Variants in CEP95 observed in about 807,000 individuals in gnomAD.
CEP95 encodes the protein centrosomal protein 95.
In CEP95, 98 loss-of-function variants were observed where a neutral mutation model predicts 111.2. The ratio of observed to expected loss-of-function variants is 0.88; its 90% confidence interval spans 0.75 to 1.04. CEP95 has a LOEUF of 1.04. Ranked by LOEUF, CEP95 falls within the 50% of genes least tolerant of loss-of-function variation. The pLI is 0.00. For synonymous variants in CEP95, 323 were observed against 327.1 expected, an observed-to-expected ratio of 0.99 and a Z score of 0.14; for missense variants, 1,027 against 977.2, an observed-to-expected ratio of 1.05 and a Z score of -0.68.
At chr17:64,506,841 C>T, upstream of CEP95, 1 of 601,774 alleles carries the variant, frequency 1.7e-6, no homozygotes, top group Non-Finnish European at 3.0e-6. Context: ...AATCCTTTGA[C>T]GGGTTTTGGT....
At chr17:64,531,171 T>G (rs562803261) in intron 13 of CEP95, 153 bp downstream of exon 13, 1 of 445,046 alleles carries the variant, frequency 2.2e-6, no homozygotes, top group African/African-American at 2.0e-5. Flanking sequence ...CAGGACTTGC[T>G]TATTAATAAG....
At chr17:64,526,300 TCTTATTAATAGTTA>T (rs1555679107) in intron 10 of CEP95, 100 bp downstream of exon 10, 1 of 1,185,430 alleles carries the variant, frequency 8.4e-7, no homozygotes, top group East Asian at 2.5e-5. Context: ...ATTAGTTGTG[TCTTATTAATAGTTA>T]CTGTGAAAAT....
At chr17:64,510,701 C>T (rs531282861) in intron 3 of CEP95, among the ~76,000 whole-genome samples, 197 of 152,298 alleles carry the variant, frequency 1.3e-3, no homozygotes, top group African/African-American at 4.6e-3. Flanking sequence ...AGGTGTGCAC[C>T]ACCATGCCTG....
At chr17:64,526,700 A>G (rs1267848325) in intron 10 of CEP95, among the ~76,000 whole-genome samples, 1 of 152,210 alleles carries the variant, frequency 6.6e-6, no homozygotes, top group East Asian at 1.9e-4. Flanking sequence ...GTGGCTCACA[A>G]CTGTAATTCC....
intron 11 of CEP95, among the ~76,000 whole-genome samples, chr17:64,529,006 A>G (rs1284547587): frequency 6.6e-6 from 1 of 152,198 alleles, no homozygotes; most frequent in Non-Finnish European, 1.5e-5. Context: ...ATCTCCCCCT[A>G]TCACCAAGAG....
In CEP95 at chr17:64,519,317, C is replaced by A. The variant is rs930394975; in HGVS notation, c.474-4C>A. 6.2e-7 allele frequency: 1 copy of A among 1,611,636 alleles called. No individual in the cohort carries two copies. Among genetic ancestry groups the A allele is most frequent in the Non-Finnish European group, 8.5e-7 (1 of 1,177,818 alleles). ...GCCCTGAGTGAAGGAGGGAACTTTTCCAGGTGCTCCTTGTCTTCTGAGATG... is the reference window on the plus strand; with the variant it reads ...GCCCTGAGTGAAGGAGGGAACTTTTACAGGTGCTCCTTGTCTTCTGAGATG... On this transcript the variant is annotated splice_region_variant and splice_polypyrimidine_tract_variant and intron_variant, in intron 5 of 19. Coordinates refer to ENST00000556440, the MANE Select transcript of CEP95 (RefSeq NM_138363.3).
chr17:64,537,600 C>T lies in CEP95; in HGVS notation c.2290-3C>T. 2 of 1,579,452 alleles carry T rather than the reference C, an allele frequency of 1.3e-6. No individual in the cohort carries two copies. Among genetic ancestry groups the T allele is most frequent in the Non-Finnish European group, 1.7e-6 (2 of 1,158,730 alleles). ...AGCGGGATGACATGCCTTCTTTTTT[C>T]AGACATTACATAAGGTGAAGAGGGA... On this transcript the variant is annotated splice_region_variant and splice_polypyrimidine_tract_variant and intron_variant, in intron 19 of 19. Transcript: ENST00000556440.
intron 17 of CEP95, 89 bp downstream of exon 17, chr17:64,534,826 A>T: frequency 1.4e-6 from 2 of 1,471,422 alleles, no homozygotes; most frequent in Middle Eastern, 1.7e-4. Flanking sequence ...CTCTTGTCCA[A>T]ATTTGAATCC....
At chr17:64,507,483 T>G in intron 1 of CEP95, 1 of 1,235,938 alleles carries the variant, frequency 8.1e-7, no homozygotes, top group Non-Finnish European at 1.0e-6. Flanking sequence ...CGTACCTGCT[T>G]TTGTATTGGT....
chr17:64,514,416 C>T, intron 4 of CEP95, 58 bp downstream of exon 4: 2 of 758,666 alleles, frequency 2.6e-6, no homozygotes, highest in South Asian at 1.6e-5. Flanking sequence ...TCCCTTTTGC[C>T]TTTTATCTTT....
intron 3 of CEP95, among the ~76,000 whole-genome samples, chr17:64,511,372 AC>A (rs1272889234): frequency 1.3e-5 from 2 of 152,132 alleles, no homozygotes; most frequent in African/African-American, 2.4e-5. Context: ...CGCCCGGGGG[AC>A]CGTCTGTAGA....
At chr17:64,514,799 T>C (rs891744894) in intron 4 of CEP95, 12 of 204,382 alleles carry the variant, frequency 5.9e-5, no homozygotes, top group Middle Eastern at 1.7e-3. Context: ...ATATTTGTCA[T>C]TGCAAAAAGT....
At position 64,533,128 on chromosome 17, in the gene CEP95, C is replaced by G; in HGVS notation, c.1854C>G (p.Ala618=). 6.2e-7 allele frequency: 1 copy of G among 1,604,310 alleles called. No individual in the cohort carries two copies. The highest frequency in any genetic ancestry group is 8.5e-7 in the Non-Finnish European group (1 of 1,177,440). Residue 618 remains alanine, a synonymous_variant, in exon 16 of 20, where the codon GCC becomes GCG. Coordinates refer to ENST00000556440, the MANE Select transcript of CEP95 (RefSeq NM_138363.3). ...KKKLQDEIEE[A]LRRHDLLTTL... is the part of the protein sequence containing the mutation. Reference sequence around the variant, plus strand: ...TGTCCCCCTTCAAGATAGAAGAAGCCCTAAGAAGGCATGACCTCCTTACTA... The same window carrying G: ...TGTCCCCCTTCAAGATAGAAGAAGCGCTAAGAAGGCATGACCTCCTTACTA...
intron 11 of CEP95, among the ~76,000 whole-genome samples, chr17:64,527,883 T>C (rs1449593348): frequency 6.9e-6 from 1 of 143,920 alleles, no homozygotes; most frequent in African/African-American, 2.5e-5. Context: ...TATATATATA[T>C]ATATATATAC....
chr17:64,509,642 G>A (rs1031475811), intron 2 of CEP95, among the ~76,000 whole-genome samples: 16 of 152,296 alleles, frequency 1.1e-4, no homozygotes, highest in African/African-American at 2.4e-4. Flanking sequence ...CCAAGATCAC[G>A]CCACTGCATT....
chr17:64,537,224 T>C (rs1968721413), intron 19 of CEP95, 112 bp downstream of exon 19: 1 of 1,499,862 alleles, frequency 6.7e-7, no homozygotes. Context: ...AGCCCCGGTG[T>C]GCAGTGGACT....
intron 17 of CEP95, 70 bp from the exon 18 acceptor site, chr17:64,536,532 T>G: frequency 9.7e-7 from 1 of 1,030,102 alleles, no homozygotes; most frequent in Non-Finnish European, 1.4e-6. Context: ...GGAAATACAA[T>G]CAGTATATAC....
intron 2 of CEP95, among the ~76,000 whole-genome samples, chr17:64,509,597 A>G (rs2144328620): frequency 6.6e-6 from 1 of 152,352 alleles, no homozygotes; most frequent in Admixed American, 6.5e-5. Context: ...AGGCAAGAGA[A>G]TTGCTTGAGC....
intron 3 of CEP95, among the ~76,000 whole-genome samples, chr17:64,511,662 A>G (rs2038906126): frequency 6.6e-6 from 1 of 152,200 alleles, no homozygotes. Flanking sequence ...GAGGCTACAT[A>G]CATCCTCCTC....
Sources: allele counts gnomAD v4.1 joint callset (sites outside exome capture counted in the v4.1 genomes callset), GRCh38; gene constraint gnomAD v4.1.1; transcripts MANE v1.5; gene names NCBI Gene and HGNC (gene_info 2026-07-23, HGNC 2026-07-21).